The following VPS13B variants were observed in gnomAD, a reference collection of about 807,000 sequenced individuals.
VPS13B encodes vacuolar protein sorting 13 homolog B.
In VPS13B, 285 loss-of-function variants were observed where a neutral mutation model predicts 426.4. The observed-to-expected ratio is 0.67, with a 90% CI of 0.61 to 0.74. VPS13B has a LOEUF of 0.74. Ranked by LOEUF, VPS13B falls within the 30% of genes least tolerant of loss-of-function variation. The probability of loss-of-function intolerance (pLI) is 0.00; values close to 1 mark genes in which losing one functional copy is unlikely to be tolerated. For missense variants in VPS13B, 4,537 were observed against 4,782.6 expected (o/e 0.95, Z 1.51); for synonymous variants, 1,676 against 1,676.4 (o/e 1.00, Z 0.01).
intron 23 of VPS13B, among the ~76,000 whole-genome samples, chr8:99,460,878 C>G (rs995805338): frequency 2.0e-5 from 3 of 152,180 alleles, no homozygotes; most frequent in Non-Finnish European, 4.4e-5. Flanking sequence ...CTAGTGGAAC[C>G]TCCTCTGTGG....
chr8:99,428,880 C>G (rs983199499), intron 21 of VPS13B, among the ~76,000 whole-genome samples: 3 of 152,054 alleles, frequency 2.0e-5, no homozygotes. Context: ...GGAACCAACC[C>G]AAATGTCCAA....
chr8:99,453,862 G>T (rs1370895929), intron 23 of VPS13B, among the ~76,000 whole-genome samples: 2 of 152,134 alleles, frequency 1.3e-5, no homozygotes, highest in Admixed American at 6.6e-5. Flanking sequence ...AACCTACAGG[G>T]ATACGTAATT....
intron 19 of VPS13B, among the ~76,000 whole-genome samples, chr8:99,303,258 CAAAAAAAAAAAA>C (rs757187342): frequency 1.7e-5 from 1 of 57,304 alleles, no homozygotes; most frequent in African/African-American, 7.9e-5. Context: ...CAGCCTGTCT[CAAAAAAAAAAAA>C]AAAAAAAAAG....
rs77129842 is a variant in VPS13B, at chr8:99,557,069, A to T, written c.4949+416A>T. On this transcript the variant is annotated intron_variant, in intron 31 of 61. Transcript: ENST00000357162. ...TGTTTAAGTTAGAGTGTGGGGAAAA[A>T]CAAGAGTTTCTGGCTCTAGGGTTTT... Among the ~76,000 whole-genome samples the T allele has an allele frequency of 5.7e-3, 869 of 152,260 alleles. 3 individuals carry two copies. The highest frequency in any genetic ancestry group is 0.024 in the Middle Eastern group (7 of 292).
chr8:99,794,428 A>C (rs377032949), intron 43 of VPS13B, among the ~76,000 whole-genome samples: 4 of 152,328 alleles, frequency 2.6e-5, no homozygotes, highest in African/African-American at 9.6e-5. Context: ...CAGAAGACAC[A>C]CAGGAGTTTC....
In VPS13B at chr8:99,384,228, A is replaced by G. The variant is rs758076178; in HGVS notation, c.2845A>G (p.Ile949Val). ...HNSGAVLLCS[I>V]QGLAVNIDPI... ...TTTAGGTGCTGTACTTCTTTGCAGT[A>G]TACAAGGACTAGCAGTTAATATTGA... The change falls in exon 20 of 62, where the codon ATA becomes GTA. Residue 949 changes from isoleucine to valine, a missense_variant. By Grantham distance (29) the Ile-to-Val change is conservative. Transcript: ENST00000357162. The G allele has an allele frequency of 5.0e-6, 8 of 1,613,966 alleles. No individual in the cohort carries two copies. The highest frequency in any genetic ancestry group is 4.2e-6 in the Non-Finnish European group (5 of 1,179,914).
rs1817728771 is a variant in VPS13B at position 99,877,009 on chromosome 8, C to G, written c.*1343C>G. The G allele has an allele frequency of 6.6e-6, 1 of 152,228 alleles. No homozygotes were observed. Among genetic ancestry groups the G allele is most frequent in the Non-Finnish European group, 1.5e-5 (1 of 68,098 alleles). The allele number at this position is 152,228 out of a possible 1,614,324, so 9.4% of individuals were successfully genotyped here. The stretch of plus-strand genomic sequence containing the variant: ...CTGGGACTACACCACCACAGGTATG[C>G]ACCACCATACCTGGCTGATTTTTAA... On this transcript the variant is annotated 3_prime_UTR_variant, in exon 62 of 62. Coordinates refer to ENST00000357162, the MANE Select transcript of VPS13B (RefSeq NM_152564.5).
chr8:99,423,110 C>G (rs1816467769), intron 21 of VPS13B, among the ~76,000 whole-genome samples: 1 of 150,778 alleles, frequency 6.6e-6, no homozygotes, highest in African/African-American at 2.4e-5. Flanking sequence ...CTCTCGTCTT[C>G]TCTCCTTTCC....
intron 29 of VPS13B, among the ~76,000 whole-genome samples, chr8:99,515,651 AACAAACAAC>A (rs1822030026): frequency 6.6e-6 from 1 of 151,660 alleles, no homozygotes; most frequent in Admixed American, 6.6e-5. Context: ...TATTTTTAGC[AACAAACAAC>A]TTTTTAGTGG....
intron 17 of VPS13B, among the ~76,000 whole-genome samples, chr8:99,270,131 CTTTTTTT>C (rs71273170): frequency 1.2e-3 from 37 of 30,316 alleles, no homozygotes; most frequent in South Asian, 5.2e-3. Context: ...ATATAAGAAT[CTTTTTTT>C]TTTTTTTTTT....
chr8:99,129,241 T>G (rs913536122), intron 8 of VPS13B, among the ~76,000 whole-genome samples: 1 of 151,830 alleles, frequency 6.6e-6, no homozygotes, highest in African/African-American at 2.4e-5. Flanking sequence ...ATTAAAGGGA[T>G]AAGGATTCAT....
chr8:99,238,777 C>T (rs923298030), intron 17 of VPS13B, among the ~76,000 whole-genome samples: 2 of 151,890 alleles, frequency 1.3e-5, no homozygotes, highest in Non-Finnish European at 2.9e-5. Context: ...CATTTTGCTT[C>T]CCTATAATTA....
intron 33 of VPS13B, chr8:99,613,734 T>C (rs997579635): frequency 6.6e-6 from 1 of 152,312 alleles, no homozygotes; most frequent in African/African-American, 2.4e-5. Context: ...CGTGGTGACA[T>C]GCTATCAACA....
intron 17 of VPS13B, 118 bp from the exon 18 acceptor site, chr8:99,274,080 C>CTCAGA: frequency 7.2e-7 from 1 of 1,390,752 alleles, no homozygotes; most frequent in Non-Finnish European, 1.0e-6. Flanking sequence ...AACACAAATA[C>CTCAGA]TGTAAGAACA....
chr8:99,111,512 T>C (rs1324704529), intron 6 of VPS13B, among the ~76,000 whole-genome samples: 2 of 152,036 alleles, frequency 1.3e-5, no homozygotes, highest in East Asian at 1.9e-4. Context: ...TGTTTTTTTT[T>C]AGTTTTTCCA....
At position 99,530,214 on chromosome 8, in the gene VPS13B, T is replaced by G. The variant is rs72674641; in HGVS notation, c.4745+9204T>G. 9.0e-3 allele frequency among the ~76,000 whole-genome samples: 1,371 copies of G among 152,310 alleles called. 18 individuals are homozygous for G. Among genetic ancestry groups the G allele is most frequent in the South Asian group, 0.07 (338 of 4,822 alleles). ...ATCTTACTTAAATCTTGCTCTCTTT[T>G]TGAAATTTTTCATAATCATTTTCTT... On this transcript the variant is annotated intron_variant, in intron 30 of 61. Coordinates refer to ENST00000357162, the MANE Select transcript of VPS13B (RefSeq NM_152564.5).
chr8:99,726,383 A>G (rs1833351676), intron 39 of VPS13B, among the ~76,000 whole-genome samples: 2 of 152,162 alleles, frequency 1.3e-5, no homozygotes, highest in South Asian at 4.1e-4. Flanking sequence ...AATTTCTGGC[A>G]CTGTATATGG....
chr8:99,560,551 T>G (rs1422649903), intron 31 of VPS13B, among the ~76,000 whole-genome samples: 2 of 152,194 alleles, frequency 1.3e-5, no homozygotes, highest in East Asian at 3.8e-4. Flanking sequence ...TGTATTATTG[T>G]AGTCCTTCAC....
chr8:99,742,623 C>T (rs1486360821), intron 39 of VPS13B, among the ~76,000 whole-genome samples: 1 of 152,138 alleles, frequency 6.6e-6, no homozygotes, highest in Non-Finnish European at 1.5e-5. Flanking sequence ...AAAGCTTATC[C>T]ACCATGATCA....
Sources: allele counts gnomAD v4.1 joint callset (sites outside exome capture counted in the v4.1 genomes callset), GRCh38; gene constraint gnomAD v4.1.1; transcripts MANE v1.5; gene names NCBI Gene and HGNC (gene_info 2026-07-23, HGNC 2026-07-21).